FKBP11: variants seen among roughly 807,000 people sequenced by gnomAD.
FKBP11 encodes FKBP prolyl isomerase 11, also known as peptidyl-prolyl cis-trans isomerase FKBP11.
In FKBP11, 21 loss-of-function variants were observed where a neutral mutation model predicts 24.7. The ratio of observed to expected loss-of-function variants is 0.85; its 90% CI spans 0.60 to 1.23. The LOEUF (loss-of-function observed/expected upper bound fraction) is 1.23, where lower values mean the gene tolerates loss of function less well. FKBP11 is among the 50% of genes most tolerant of loss of function. The probability of loss-of-function intolerance (pLI) is 0.00; values close to 1 mark genes in which losing one functional copy is unlikely to be tolerated. For synonymous variants in FKBP11, 106 were observed against 100.6 expected, an observed-to-expected ratio of 1.05 and a Z score of -0.32; for missense variants, 245 against 248.7, an observed-to-expected ratio of 0.99 and a Z score of 0.10.
chr12:48,928,929 T>C (rs1218435348), upstream of FKBP11, among the ~76,000 whole-genome samples: 1 of 146,536 alleles, frequency 6.8e-6, no homozygotes, highest in African/African-American at 2.5e-5. Context: ...TTCACGCCAT[T>C]CTCCTGCCTC....
At chr12:48,923,198 T>G in intron 5 of FKBP11, 3 of 1,217,604 alleles carry the variant, frequency 2.5e-6, no homozygotes, top group Non-Finnish European at 3.1e-6. Flanking sequence ...GTACAACACA[T>G]TTTAGCTAAT....
chr12:48,925,718 G>T, upstream of FKBP11: 1 of 459,514 alleles, frequency 2.2e-6, no homozygotes. Context: ...ACCCATTTAC[G>T]ATTACCTACT....
intron 4 of FKBP11, 87 bp from the exon 5 acceptor site, chr12:48,923,939 CCT>C: frequency 3.7e-6 from 5 of 1,341,436 alleles, no homozygotes; most frequent in Non-Finnish European, 5.4e-6. Context: ...AGCAAAACCC[CCT>C]GAATCTTCAC....
At chr12:48,923,240 A>G (rs1939876743) in intron 5 of FKBP11, 1 of 1,331,450 alleles carries the variant, frequency 7.5e-7, no homozygotes, top group Non-Finnish European at 9.6e-7. Flanking sequence ...AGCAAAAGAT[A>G]TGCATCTTGG....
At chr12:48,938,226 G>A in the FKBP11 span, 1 of 363,548 alleles carries the variant, frequency 2.8e-6, no homozygotes, top group South Asian at 2.0e-5. Context: ...GAAAATGGTG[G>A]TGAAGAATCC....
At chr12:48,938,248 TATC>T in the FKBP11 span, 2 of 381,882 alleles carry the variant, frequency 5.2e-6, no homozygotes, top group Non-Finnish European at 1.1e-5. Context: ...TCATCTGTCC[TATC>T]ATCCAGAAAA....
Position 48,924,724 on chromosome 12 carries a change from C to G in FKBP11, c.196-76G>C. On this transcript the variant is annotated intron_variant, in intron 2 of 5. Transcript: ENST00000550765. Reference sequence around the variant, plus strand: ...GCAGGCGCGCAACACACACCTGGACCGCTGGGCGGCGGCAGCCCCCTTAGT... The same window carrying G: ...GCAGGCGCGCAACACACACCTGGACGGCTGGGCGGCGGCAGCCCCCTTAGT... 3 of 1,579,354 alleles carry G rather than the reference C, an allele frequency of 1.9e-6. No individual in the cohort carries two copies. The South Asian group carries it at 3.4e-5, about 18-fold the overall frequency.
chr12:48,925,728 T>G (rs1939951290), upstream of FKBP11: 1 of 427,708 alleles, frequency 2.3e-6, no homozygotes. Flanking sequence ...GATTACCTAC[T>G]GTGTGTCAGG....
At chr12:48,926,224 C>CTTTTTTTTTTTTTTTTTTTTTTTTTT (rs34896547), upstream of FKBP11, 2 of 85,788 alleles carry the variant, frequency 2.3e-5, no homozygotes, top group Non-Finnish European at 2.1e-5. Flanking sequence ...AAAGACTTCA[C>CTTTTTTTTTTTTTTTTTTTTTTTTTT]TTTTTTTTTT....
At chr12:48,924,741 C>T (rs979959724) in intron 2 of FKBP11, 93 bp from the exon 3 acceptor site, 2 of 1,565,926 alleles carry the variant, frequency 1.3e-6, no homozygotes, top group African/African-American at 1.4e-5. Flanking sequence ...CGGCGGCAGC[C>T]CCCTTAGTGC....
intron 5 of FKBP11, chr12:48,923,581 G>C (rs1427339201): frequency 6.4e-7 from 1 of 1,551,892 alleles, no homozygotes; most frequent in Admixed American, 2.0e-5. Flanking sequence ...ATGCCAGGTG[G>C]CCTCATCAGG....
chr12:48,932,323 G>C, the FKBP11 span, among the ~76,000 whole-genome samples: 1 of 111,558 alleles, frequency 9.0e-6, no homozygotes, highest in Non-Finnish European at 1.7e-5. Flanking sequence ...ATGTTGCCCA[G>C]GTTGATCTCA....
the FKBP11 span, among the ~76,000 whole-genome samples, chr12:48,932,237 A>T: frequency 2.4e-4 from 8 of 32,754 alleles, no homozygotes; most frequent in African/African-American, 4.0e-4. Flanking sequence ...TTATATATAT[A>T]TATATATATA....
chr12:48,929,265 T>G (rs1015340995), upstream of FKBP11, among the ~76,000 whole-genome samples: 1 of 151,946 alleles, frequency 6.6e-6, no homozygotes, highest in Non-Finnish European at 1.5e-5. Context: ...CTGGGCAACA[T>G]GGCAAGACCC....
chr12:48,924,211 C>T lies in FKBP11; in HGVS notation c.317+12G>A, dbSNP rs762297115. 33 of 1,614,002 alleles carry T rather than the reference C, an allele frequency of 2.0e-5. No homozygotes were observed. The highest frequency in any genetic ancestry group is 2.7e-5 in the Non-Finnish European group (32 of 1,180,026). ...AGGGGGTACCCAGGCCCACCCCTGC[C>T]GAGATACTCACCCCACACACATGTC... On this transcript the variant is annotated intron_variant, in intron 4 of 5. Coordinates refer to ENST00000550765, the MANE Select transcript of FKBP11 (RefSeq NM_016594.3).
chr12:48,932,184 T>A, the FKBP11 span, among the ~76,000 whole-genome samples: 3 of 128,450 alleles, frequency 2.3e-5, no homozygotes, highest in South Asian at 2.4e-4. Context: ...TATATATATA[T>A]AATATAAACA....
At chr12:48,938,244 G>A in the FKBP11 span, 1 of 379,640 alleles carries the variant, frequency 2.6e-6, no homozygotes, top group South Asian at 1.9e-5. Context: ...TCCATCATCT[G>A]TCCTATCATC....
chr12:48,923,983 C>A, intron 4 of FKBP11, 131 bp from the exon 5 acceptor site: 1 of 999,178 alleles, frequency 1.0e-6, no homozygotes, highest in Non-Finnish European at 1.6e-6. Flanking sequence ...ACCTGAACAC[C>A]AAACAGGCTG....
chr12:48,931,398 A>G (rs900740191), upstream of FKBP11: 5 of 1,535,406 alleles, frequency 3.3e-6, no homozygotes, highest in African/African-American at 4.1e-5. Context: ...TATTAAACAC[A>G]ATATCCACCC....
Sources: allele counts gnomAD v4.1 joint callset (sites outside exome capture counted in the v4.1 genomes callset), GRCh38; gene constraint gnomAD v4.1.1; transcripts MANE v1.5; gene names NCBI Gene and HGNC (gene_info 2026-07-23, HGNC 2026-07-21).